The following SRPK2 variants were observed in gnomAD, a reference collection of about 807,000 sequenced individuals.
The protein encoded by SRPK2 is SFRS protein kinase 2.
Under a neutral mutation model 90.8 loss-of-function variants are expected in SRPK2, and 21 were observed. The ratio of observed to expected loss-of-function variants is 0.23; its 90% CI spans 0.16 to 0.33. The LOEUF (loss-of-function observed/expected upper bound fraction) is 0.33. Among genes scored for constraint, SRPK2 ranks in the 10% least tolerant of loss-of-function variants. The pLI, the probability that SRPK2 is intolerant of heterozygous loss-of-function variation, is 1.00. For missense variants in SRPK2, 620 were observed against 869.0 expected, an observed-to-expected ratio of 0.71 and a Z score of 3.60; for synonymous variants, 288 against 311.1, an observed-to-expected ratio of 0.93 and a Z score of 0.78.
intron 2 of SRPK2, among the ~76,000 whole-genome samples, chr7:105,363,505 A>G (rs915688943): frequency 2.0e-5 from 3 of 152,194 alleles, no homozygotes; most frequent in Non-Finnish European, 4.4e-5. Flanking sequence ...TTAGAATGGC[A>G]ATCATTAAAA....
chr7:105,229,087 C>T (rs935339857), intron 2 of SRPK2, among the ~76,000 whole-genome samples: 3 of 152,158 alleles, frequency 2.0e-5, no homozygotes, highest in African/African-American at 7.2e-5. Flanking sequence ...GCACCGAGTT[C>T]AGGGAACTGC....
At chr7:105,382,465 T>G (rs1460623650) in intron 2 of SRPK2, among the ~76,000 whole-genome samples, 1 of 140,910 alleles carries the variant, frequency 7.1e-6, no homozygotes, top group Non-Finnish European at 1.5e-5. Context: ...GTCAGGAGAA[T>G]CGCTTAAACC....
intron 7 of SRPK2, among the ~76,000 whole-genome samples, chr7:105,147,265 A>C (rs1261193516): frequency 6.6e-6 from 1 of 152,114 alleles, no homozygotes; most frequent in Non-Finnish European, 1.5e-5. Flanking sequence ...TTAGGTATAC[A>C]ATTCAATGGA....
At chr7:105,353,360 G>T (rs1389351428) in intron 2 of SRPK2, among the ~76,000 whole-genome samples, 3 of 150,880 alleles carry the variant, frequency 2.0e-5, no homozygotes, top group Non-Finnish European at 3.0e-5. Flanking sequence ...GTTTTTTTTT[G>T]AAACAGTCTC....
chr7:105,161,347 T>A (rs1162200171), intron 6 of SRPK2, among the ~76,000 whole-genome samples: 1 of 152,234 alleles, frequency 6.6e-6, no homozygotes, highest in Non-Finnish European at 1.5e-5. Flanking sequence ...GTTTCCCAAA[T>A]ATTTTTCATC....
chr7:105,194,662 C>T (rs947115901), intron 3 of SRPK2, among the ~76,000 whole-genome samples: 4 of 152,084 alleles, frequency 2.6e-5, no homozygotes, highest in African/African-American at 9.7e-5. Context: ...ATTATTAAGG[C>T]GTATCTAAAA....
chr7:105,298,658 T>C (rs1022744374), intron 2 of SRPK2: 8 of 898,864 alleles, frequency 8.9e-6, no homozygotes, highest in Middle Eastern at 5.7e-4. Flanking sequence ...AAAGGCCCCA[T>C]AGGATAGCAT....
At chr7:105,218,498 C>T (rs1337913872) in intron 2 of SRPK2, among the ~76,000 whole-genome samples, 2 of 152,208 alleles carry the variant, frequency 1.3e-5, no homozygotes, top group East Asian at 1.9e-4. Flanking sequence ...AATGCACTAA[C>T]GTGAGTTTAT....
chr7:105,346,657 G>A (rs1816493809), intron 2 of SRPK2, among the ~76,000 whole-genome samples: 1 of 152,032 alleles, frequency 6.6e-6, no homozygotes, highest in East Asian at 1.9e-4. Context: ...GGAAGGCTGA[G>A]GCAGAAGAAC....
intron 3 of SRPK2, among the ~76,000 whole-genome samples, chr7:105,184,795 A>G (rs1357266017): frequency 2.0e-5 from 3 of 152,212 alleles, no homozygotes; most frequent in African/African-American, 7.2e-5. Flanking sequence ...AAAATACTTA[A>G]TAACAATCTG....
At chr7:105,357,150 C>A (rs1019814808) in intron 2 of SRPK2, among the ~76,000 whole-genome samples, 2 of 151,960 alleles carry the variant, frequency 1.3e-5, no homozygotes, top group Non-Finnish European at 2.9e-5. Context: ...CATTCTCCTG[C>A]CTCAGCCTCC....
At chr7:105,182,863 T>C (rs1021903379) in intron 3 of SRPK2, among the ~76,000 whole-genome samples, 1 of 152,130 alleles carries the variant, frequency 6.6e-6, no homozygotes, top group Non-Finnish European at 1.5e-5. Context: ...GAAAGTAAAC[T>C]ACTAATCTAA....
Position 105,388,801 on chromosome 7 carries a change from G to C in SRPK2, c.6C>G (p.Ser2Arg). 1 of 1,454,754 alleles carries C rather than the reference G, an allele frequency of 6.9e-7. No homozygotes were observed. The highest frequency in any genetic ancestry group is 9.1e-7 in the Non-Finnish European group (1 of 1,100,252). 90.1% of individuals were successfully genotyped at this position (1,454,754 alleles called of 1,614,324 possible). Residue 2 changes from serine (S) to arginine (R), a missense_variant, in exon 1 of 16, where the codon AGC (serine) becomes AGG (arginine). Ser to Arg is a moderately radical substitution (Grantham distance 110). This residue lies in a region of SRPK2 where 56 missense variants were observed against 49.6 expected (regional missense o/e 1.13). Transcript: ENST00000393651. MSSRKVLAIQAR... is the reference protein window; with the variant it reads MRSRKVLAIQAR... ...CCGCGGGCCACTCACCTTTCCGGGA[G>C]CTCATTCCGACGCGGCGGAAGCGGG...
At chr7:105,124,816 G>A (rs1265653769) in intron 15 of SRPK2, among the ~76,000 whole-genome samples, 2 of 151,506 alleles carry the variant, frequency 1.3e-5, no homozygotes, top group Non-Finnish European at 2.9e-5. Flanking sequence ...AAAATATGAA[G>A]GACCAACTAC....
At chr7:105,147,022 A>C (rs1327724283) in intron 7 of SRPK2, among the ~76,000 whole-genome samples, 1 of 152,222 alleles carries the variant, frequency 6.6e-6, no homozygotes, top group African/African-American at 2.4e-5. Context: ...ACGCGAAGAT[A>C]ATGAGGATGA....
At chr7:105,290,539 G>A (rs1436571340) in intron 2 of SRPK2, among the ~76,000 whole-genome samples, 2 of 151,966 alleles carry the variant, frequency 1.3e-5, no homozygotes, top group African/African-American at 4.8e-5. Flanking sequence ...TTAGCAAAGT[G>A]CAACAAAATG....
At chr7:105,397,387 T>C (rs1339110565) in intron 1 of SRPK2, among the ~76,000 whole-genome samples, 1 of 150,970 alleles carries the variant, frequency 6.6e-6, no homozygotes, top group Admixed American at 6.7e-5. Context: ...TGGAGCACAG[T>C]GGCATGATCT....
At chr7:105,243,548 T>C (rs1383975789) in intron 2 of SRPK2, among the ~76,000 whole-genome samples, 2 of 150,718 alleles carry the variant, frequency 1.3e-5, no homozygotes, top group African/African-American at 2.4e-5. Flanking sequence ...AGTGCATGCC[T>C]TGAACCCAGG....
At chr7:105,128,752 G>C (rs1801562044) in intron 13 of SRPK2, among the ~76,000 whole-genome samples, 1 of 152,096 alleles carries the variant, frequency 6.6e-6, no homozygotes, top group Non-Finnish European at 1.5e-5. Context: ...TTTTAGAGAA[G>C]GGACCTCGCT....
Sources: allele counts gnomAD v4.1 joint callset (sites outside exome capture counted in the v4.1 genomes callset), GRCh38; gene constraint gnomAD v4.1.1; regional missense constraint gnomAD v4.1.1; transcripts MANE v1.5; gene names NCBI Gene and HGNC (gene_info 2026-07-23, HGNC 2026-07-21).